Variants in SLC66A3 observed in about 807,000 individuals in gnomAD.
The protein encoded by SLC66A3 is PQ loop repeat containing 3.
In SLC66A3, 23 loss-of-function variants were observed where a neutral mutation model predicts 25.5. The ratio of observed to expected loss-of-function variants is 0.90; its 90% CI spans 0.65 to 1.28. The LOEUF (loss-of-function observed/expected upper bound fraction) is 1.28, where lower values mean the gene tolerates loss of function less well. Among genes scored for constraint, SLC66A3 ranks in the 50% most tolerant of loss-of-function variants. The probability of loss-of-function intolerance (pLI) is 0.00; values close to 1 mark genes in which losing one functional copy is unlikely to be tolerated. For missense variants in SLC66A3, 246 were observed against 262.1 expected (o/e 0.94, Z 0.42); for synonymous variants, 108 against 112.6 (o/e 0.96, Z 0.26).
intron 4 of SLC66A3, among the ~76,000 whole-genome samples, chr2:11,167,615 C>A (rs1662389054): frequency 6.6e-6 from 1 of 152,170 alleles, no homozygotes; most frequent in African/African-American, 2.4e-5. Context: ...GGGCTGAACA[C>A]CAGGCTCCGT....
At chr2:11,177,456 C>CAAAA (rs371498449) in intron 6 of SLC66A3, among the ~76,000 whole-genome samples, 1 of 107,100 alleles carries the variant, frequency 9.3e-6, no homozygotes. Context: ...AAGACTGTCT[C>CAAAA]AAAAAAAAAA....
chr2:11,164,609 A>AC (rs1232523719), intron 4 of SLC66A3, among the ~76,000 whole-genome samples: 1 of 150,112 alleles, frequency 6.7e-6, no homozygotes, highest in Non-Finnish European at 1.5e-5. Flanking sequence ...GGGTCACAGG[A>AC]CAATAGTGGA....
intron 3 of SLC66A3, among the ~76,000 whole-genome samples, chr2:11,162,593 CTTTTA>C (rs1572180128): frequency 6.6e-6 from 1 of 152,066 alleles, no homozygotes; most frequent in East Asian, 1.9e-4. Context: ...TTAATGAATA[CTTTTA>C]TTTTTATTTT....
intron 6 of SLC66A3, among the ~76,000 whole-genome samples, chr2:11,176,512 G>A (rs1445886642): frequency 6.1e-5 from 9 of 147,040 alleles, no homozygotes; most frequent in African/African-American, 1.5e-4. Context: ...CACCGCGCCC[G>A]GCCTGGGAAT....
At chr2:11,173,072 A>G (rs1287257739) in intron 5 of SLC66A3, among the ~76,000 whole-genome samples, 1 of 152,132 alleles carries the variant, frequency 6.6e-6, no homozygotes, top group African/African-American at 2.4e-5. Context: ...CATGTTGGCC[A>G]GGCTGGTTTT....
At chr2:11,155,753 A>T (rs948812904) in intron 1 of SLC66A3, 64 bp downstream of exon 1, 17 of 1,298,292 alleles carry the variant, frequency 1.3e-5, no homozygotes, top group Non-Finnish European at 1.6e-5. Context: ...CTGGGAGCCC[A>T]GGAGAGCCTC....
At chr2:11,172,090 A>G in intron 5 of SLC66A3, 45 bp downstream of exon 5, 1 of 1,604,862 alleles carries the variant, frequency 6.2e-7, no homozygotes, top group East Asian at 2.2e-5. Context: ...GGTAGCACCA[A>G]GTGTCTACGT....
At chr2:11,174,553 T>C (rs1291038829) in intron 5 of SLC66A3, among the ~76,000 whole-genome samples, 1 of 152,006 alleles carries the variant, frequency 6.6e-6, no homozygotes, top group East Asian at 1.9e-4. Context: ...CTGGAGTCAA[T>C]TGGCGCAATC....
rs571181381 is a variant in SLC66A3, at chr2:11,160,248, G to A, written c.144-218G>A. ...CTATAGAGATCGTGGGTATTGCACTGTGGCCCGGTGCCCAGTAAGTTCTGG... is the reference window on the plus strand; with the variant it reads ...CTATAGAGATCGTGGGTATTGCACTATGGCCCGGTGCCCAGTAAGTTCTGG... On this transcript the variant is annotated intron_variant, in intron 1 of 6. Transcript: ENST00000295083. The A allele has an allele frequency of 4.9e-6, 3 of 609,590 alleles. No individual in the cohort carries two copies. In the South Asian group the frequency reaches 5.8e-5, roughly 12 times the overall value. 37.8% of individuals were successfully genotyped at this position (609,590 alleles called of 1,614,324 possible).
In SLC66A3 at chr2:11,155,796, G is replaced by C. The variant is rs1661875833; in HGVS notation, c.143+107G>C. 8 of 1,110,894 alleles carry C rather than the reference G, an allele frequency of 7.2e-6. No individual in the cohort carries two copies. The Admixed American group carries it at 3.0e-4, about 41-fold the overall frequency. The allele number at this position is 1,110,894 out of a possible 1,614,324, so 68.8% of individuals were successfully genotyped here. On this transcript the variant is annotated intron_variant, in intron 1 of 6. Coordinates refer to ENST00000295083, the MANE Select transcript of SLC66A3 (RefSeq NM_152391.5). ...AGTAGGGCGGGGATGATCCCCGCGCGCCGGCGTCGCAGCTGGGCGGCCGAG... is the reference window on the plus strand; with the variant it reads ...AGTAGGGCGGGGATGATCCCCGCGCCCCGGCGTCGCAGCTGGGCGGCCGAG...
chr2:11,165,782 G>C (rs1288509214), intron 4 of SLC66A3, among the ~76,000 whole-genome samples: 1 of 152,222 alleles, frequency 6.6e-6, no homozygotes, highest in Non-Finnish European at 1.5e-5. Context: ...GGGAGGCCGA[G>C]GCTGGCAGAT....
At chr2:11,174,773 A>C (rs542951344) in intron 5 of SLC66A3, among the ~76,000 whole-genome samples, 195 bp from the exon 6 acceptor site, 1 of 152,214 alleles carries the variant, frequency 6.6e-6, no homozygotes, top group Admixed American at 6.5e-5. Context: ...TAATTATGAA[A>C]TACAGCACTA....
chr2:11,160,638 G>C lies in SLC66A3; in HGVS notation c.240G>C (p.Leu80=), dbSNP rs146491878. ...TCTCTCTTTCAGATGTCATCCTCCT[G>C]CTCTGTATCTTTCATTTTAACGGGA... ...PILIAQDVIL[L]LCIFHFNGNV... Residue 80 remains leucine (L), a synonymous_variant, in exon 3 of 7, where the codon CTG becomes CTC. Coordinates refer to ENST00000295083, the MANE Select transcript of SLC66A3 (RefSeq NM_152391.5). The C allele has an allele frequency of 3.1e-5, 50 of 1,614,000 alleles. No individual in the cohort carries two copies. In the African/African-American group the frequency reaches 6.3e-4, roughly 20 times the overall value.
Position 11,164,125 on chromosome 2 carries a change from G to T in SLC66A3, c.297-79G>T, listed in dbSNP as rs149066335. On this transcript the variant is annotated intron_variant, in intron 3 of 6. Transcript: ENST00000295083. ...TGGCTTCTGCGTGCCGCTGTCTGTG[G>T]TCTTGGTTTGTATATGTGAGATGGG... 1.8e-3 allele frequency: 1,539 copies of T among 857,964 alleles called. 23 individuals carry two copies. In the African/African-American group the frequency reaches 0.024, roughly 14 times the overall value. 53.1% of individuals were successfully genotyped at this position (857,964 alleles called of 1,614,324 possible).
chr2:11,177,654 A>G, intron 6 of SLC66A3, 83 bp from the exon 7 acceptor site: 1 of 802,510 alleles, frequency 1.2e-6, no homozygotes, highest in Non-Finnish European at 2.0e-6. Context: ...GTGAAGCTTT[A>G]TTTAGGCTTA....
intron 1 of SLC66A3, among the ~76,000 whole-genome samples, chr2:11,159,434 G>A (rs1439188113): frequency 1.3e-5 from 2 of 152,160 alleles, no homozygotes; most frequent in Non-Finnish European, 2.9e-5. Context: ...TGCTGGGCAC[G>A]GTGGGGGCCC....
At position 11,177,902 on chromosome 2, in the gene SLC66A3, A is replaced by C; in HGVS notation, c.*74A>C. 2 of 908,938 alleles carry C rather than the reference A, an allele frequency of 2.2e-6. No homozygotes were observed. Among genetic ancestry groups the C allele is most frequent in the Non-Finnish European group, 3.5e-6 (2 of 578,480 alleles). The allele number at this position is 908,938 out of a possible 1,614,324, so 56.3% of individuals were successfully genotyped here. A position where few individuals can be genotyped will look rare whatever the true frequency, so the allele number is the denominator to read the frequency against. On this transcript the variant is annotated 3_prime_UTR_variant, in exon 7 of 7. Coordinates refer to ENST00000295083, the MANE Select transcript of SLC66A3 (RefSeq NM_152391.5). ...GGAAAAAGAAGCTCTTTGCTAAATTAAGGTCTTTTATAAATTTAGTAAATC... is the reference window on the plus strand; with the variant it reads ...GGAAAAAGAAGCTCTTTGCTAAATTCAGGTCTTTTATAAATTTAGTAAATC...
At chr2:11,165,323 G>T (rs569208742) in intron 4 of SLC66A3, among the ~76,000 whole-genome samples, 27 of 149,292 alleles carry the variant, frequency 1.8e-4, no homozygotes, top group African/African-American at 6.3e-4. Context: ...GGGCAGAGGC[G>T]CTCCCCACAT....
At chr2:11,176,584 A>G (rs971576732) in intron 6 of SLC66A3, among the ~76,000 whole-genome samples, 4 of 103,276 alleles carry the variant, frequency 3.9e-5, no homozygotes, top group African/African-American at 1.4e-4. Flanking sequence ...GCTGGAGTGC[A>G]GTGGCGGGAT....
Sources: allele counts gnomAD v4.1 joint callset (sites outside exome capture counted in the v4.1 genomes callset), GRCh38; gene constraint gnomAD v4.1.1; transcripts MANE v1.5; gene names NCBI Gene and HGNC (gene_info 2026-07-23, HGNC 2026-07-21).